The following CCPG1 variants were observed in gnomAD, a reference collection of about 807,000 sequenced individuals.
CCPG1 encodes the protein cell cycle progression protein 1.
A neutral mutation model predicts 81.3 loss-of-function variants in CCPG1; 46 were observed. The observed-to-expected ratio is 0.57, with a 90% CI of 0.45 to 0.72. The LOEUF is 0.72. CCPG1 is among the 30% of genes least tolerant of loss of function. The pLI, the probability that CCPG1 is intolerant of heterozygous loss-of-function variation, is 0.00. For synonymous variants in CCPG1, 330 were observed against 305.2 expected (o/e 1.08, Z -0.85); for missense variants, 902 against 937.6 (o/e 0.96, Z 0.50).
chr15:55,355,943 C>G lies in CCPG1; in HGVS notation c.*277G>C, dbSNP rs2056069654. On this transcript the variant is annotated 3_prime_UTR_variant, in exon 9 of 9. Coordinates refer to ENST00000442196, the MANE Select transcript of CCPG1 (RefSeq NM_001204450.2). ...CTTACACTGAAAGGAAGTCTCATTT[C>G]ATGCACAAAATCTGTTGCATGCCTG... 3 of 421,208 alleles carry G rather than the reference C, an allele frequency of 7.1e-6. No individual in the cohort carries two copies. Among genetic ancestry groups the G allele is most frequent in the Non-Finnish European group, 1.3e-5 (3 of 239,162 alleles). 26.1% of individuals were successfully genotyped at this position (421,208 alleles called of 1,614,324 possible).
chr15:55,375,887 G>T (rs192928036), intron 5 of CCPG1, among the ~76,000 whole-genome samples: 2 of 152,008 alleles, frequency 1.3e-5, no homozygotes, highest in African/African-American at 4.8e-5. Context: ...ATGAGGTCTC[G>T]CTATGTTGCC....
chr15:55,356,907 G>C (rs1275203295), intron 8 of CCPG1: 2 of 985,544 alleles, frequency 2.0e-6, no homozygotes, highest in Non-Finnish European at 2.4e-6. Context: ...TCATCCCCTG[G>C]CCGCCCAGTT....
chr15:55,355,534 G>T lies in CCPG1; in HGVS notation c.*686C>A. 9 of 887,034 alleles carry T rather than the reference G, an allele frequency of 1.0e-5. No individual in the cohort carries two copies. The highest frequency in any genetic ancestry group is 1.4e-5 in the Non-Finnish European group (8 of 579,470). 54.9% of individuals were successfully genotyped at this position (887,034 alleles called of 1,614,324 possible). A position where few individuals can be genotyped will look rare whatever the true frequency, so the allele number is the denominator to read the frequency against. ...GATTCATGGAACTTAGAAAAAAGCT[G>T]TATGAACTGCTTTACCAAATATCAC... On this transcript the variant is annotated 3_prime_UTR_variant, in exon 9 of 9. Coordinates refer to ENST00000442196, the MANE Select transcript of CCPG1 (RefSeq NM_001204450.2).
At chr15:55,367,841 C>T (rs568240863) in intron 6 of CCPG1, among the ~76,000 whole-genome samples, 2 of 152,290 alleles carry the variant, frequency 1.3e-5, no homozygotes, top group Non-Finnish European at 2.9e-5. Context: ...TTATTCCATT[C>T]CCACTGTTAT....
At chr15:55,377,618 T>G (rs1358546906) in intron 4 of CCPG1, among the ~76,000 whole-genome samples, 1 of 152,230 alleles carries the variant, frequency 6.6e-6, no homozygotes, top group Non-Finnish European at 1.5e-5. Context: ...ATCGCCAATG[T>G]GATAGTACTA....
intron 6 of CCPG1, among the ~76,000 whole-genome samples, chr15:55,371,557 CAT>C (rs2056449519): frequency 6.6e-6 from 1 of 152,136 alleles, no homozygotes; most frequent in Non-Finnish European, 1.5e-5. Context: ...GAGTCACAAA[CAT>C]ATATGGTTAT....
intron 1 of CCPG1, among the ~76,000 whole-genome samples, chr15:55,395,158 C>A (rs1460115949): frequency 1.3e-5 from 2 of 152,108 alleles, no homozygotes; most frequent in African/African-American, 2.4e-5. Context: ...TAACACCATC[C>A]AGCCCAAAAG....
chr15:55,407,045 C>CCCCCCA (rs1354700405), intron 1 of CCPG1, among the ~76,000 whole-genome samples: 1 of 133,620 alleles, frequency 7.5e-6, no homozygotes, highest in African/African-American at 3.5e-5. Flanking sequence ...AGACCCCCCC[C>CCCCCCA]CCCGCCCCGC....
chr15:55,357,303 A>G, intron 8 of CCPG1: 1 of 984,344 alleles, frequency 1.0e-6, no homozygotes, highest in Non-Finnish European at 1.2e-6. Flanking sequence ...CACAAGAAAT[A>G]TCAATGTTAC....
rs2056074656 is a variant in CCPG1 at position 55,356,212 on chromosome 15, A to G, written c.*8T>C. 1 of 1,523,970 alleles carries G rather than the reference A, an allele frequency of 6.6e-7. No individual in the cohort carries two copies. The highest frequency in any genetic ancestry group is 8.7e-7 in the Non-Finnish European group (1 of 1,143,560). 94.4% of individuals were successfully genotyped at this position (1,523,970 alleles called of 1,614,324 possible). ...TCTTACAGTTGTCTAATTTAACTCAATTGTGAATCAGTATTGAGGATCAAA... is the reference window on the plus strand; with the variant it reads ...TCTTACAGTTGTCTAATTTAACTCAGTTGTGAATCAGTATTGAGGATCAAA... On this transcript the variant is annotated 3_prime_UTR_variant, in exon 9 of 9. Transcript: ENST00000442196.
intron 4 of CCPG1, among the ~76,000 whole-genome samples, chr15:55,377,523 G>C (rs1477095094): frequency 6.6e-6 from 1 of 152,166 alleles, no homozygotes; most frequent in Non-Finnish European, 1.5e-5. Context: ...AACTTTTTAG[G>C]TTATGTACGT....
At position 55,399,629 on chromosome 15, in the gene CCPG1, T is replaced by TA. The variant is rs1015522258; in HGVS notation, c.-10+8591dup. Reference sequence around the variant, plus strand: ...ATCTAAAATATCAAAATGAAACTGATAAAAAAAGATCCTTAAGAAGCAAAT... The same window carrying TA: ...ATCTAAAATATCAAAATGAAACTGATAAAAAAAAGATCCTTAAGAAGCAAAT... On this transcript the variant is annotated intron_variant, in intron 1 of 8. Transcript: ENST00000442196. Among the ~76,000 whole-genome samples the TA allele has an allele frequency of 3.3e-5, 5 of 151,668 alleles. No homozygotes were observed. The South Asian group carries it at 1.0e-3, about 32-fold the overall frequency.
Position 55,360,121 on chromosome 15 carries a change from C to T in CCPG1, c.1652G>A (p.Arg551Lys). Reference protein sequence around the residue: ...KNIFDEKGNKRFGATKEAAEK... With the variant: ...KNIFDEKGNKKFGATKEAAEK... ...AGCTGCTTCTTTTGTAGCACCAAAT[C>T]TTTTATTACCCTTTTCATCAAAGAT... Residue 551 changes from arginine to lysine, a missense_variant, in exon 8 of 9, where the codon AGA becomes AAA. This residue lies in a region of CCPG1 where 746 missense variants were observed against 728.6 expected (regional missense o/e 1.02). Coordinates refer to ENST00000442196, the MANE Select transcript of CCPG1 (RefSeq NM_001204450.2). The T allele has an allele frequency of 6.2e-7, 1 of 1,613,740 alleles. No individual in the cohort carries two copies. Among genetic ancestry groups the T allele is most frequent in the South Asian group, 1.1e-5 (1 of 91,040 alleles).
In CCPG1 at chr15:55,371,883, A is replaced by G. The variant is rs1566971090; in HGVS notation, c.616T>C (p.Leu206=). Residue 206 remains leucine, a synonymous_variant, in exon 6 of 9, where the codon TTG becomes CTG. Transcript: ENST00000442196. ...CCACTACTGAACTGACGTTTACTCA[A>G]CTCCTTAGAAGGTTCAGTTTCTTGT... The part of the protein sequence containing the change: ...AEQETEPSKE[L]SKRQFSSGLN... The G allele has an allele frequency of 1.2e-6, 2 of 1,614,004 alleles. No homozygotes were observed. The highest frequency in any genetic ancestry group is 2.2e-5 in the East Asian group (1 of 44,874).
At position 55,356,191 on chromosome 15, in the gene CCPG1, AC is replaced by A; in HGVS notation, c.*28del. 6.7e-7 allele frequency: 1 copy of A among 1,483,092 alleles called. No individual in the cohort carries two copies. The highest frequency in any genetic ancestry group is 9.0e-7 in the Non-Finnish European group (1 of 1,114,992). The allele number at this position is 1,483,092 out of a possible 1,614,324, so 91.9% of individuals were successfully genotyped here. On this transcript the variant is annotated 3_prime_UTR_variant, in exon 9 of 9. Coordinates refer to ENST00000442196, the MANE Select transcript of CCPG1 (RefSeq NM_001204450.2). Reference sequence around the variant, plus strand: ...TATACAAAGCATAAATTTTTCTCTTACAGTTGTCTAATTTAACTCAATTGTG... The same window carrying A: ...TATACAAAGCATAAATTTTTCTCTTAAGTTGTCTAATTTAACTCAATTGTG...
intron 1 of CCPG1, among the ~76,000 whole-genome samples, chr15:55,404,797 T>C (rs7172190): frequency 0.98 from 149,392 of 152,304 alleles, 73,327 homozygotes; most frequent in East Asian, 1. Context: ...TAGGGCCAGG[T>C]GCGGTGGCTC....
intron 1 of CCPG1, among the ~76,000 whole-genome samples, chr15:55,396,957 C>T (rs557560555): frequency 6.6e-6 from 1 of 152,166 alleles, no homozygotes; most frequent in Non-Finnish European, 1.5e-5. Flanking sequence ...GTAATCCCAG[C>T]ACTCCAGGCC....
At chr15:55,407,347 CCT>C (rs1342948262) in intron 1 of CCPG1, among the ~76,000 whole-genome samples, 6 of 106,340 alleles carry the variant, frequency 5.6e-5, no homozygotes, top group Admixed American at 1.6e-4. Flanking sequence ...ATAAATATCC[CCT>C]GAGACGTGTG....
chr15:55,359,454 C>T, intron 8 of CCPG1, 85 bp downstream of exon 8: 1 of 1,503,360 alleles, frequency 6.7e-7, no homozygotes, highest in Non-Finnish European at 8.8e-7. Flanking sequence ...GGTAACCTTA[C>T]AAGAAACTCA....
Sources: gnomAD v4.1 joint callset for allele counts (sites outside exome capture counted in the v4.1 genomes callset) on GRCh38, gnomAD v4.1.1 for gene constraint, gnomAD v4.1.1 regional missense constraint, MANE v1.5 for transcripts, NCBI Gene and HGNC (gene_info 2026-07-23, HGNC 2026-07-21) for gene names.